Variants in UHMK1 observed in about 807,000 individuals in gnomAD.
The protein encoded by UHMK1 is U2AF homology motif kinase 1.
In UHMK1, 18 loss-of-function variants were observed where a neutral mutation model predicts 44.0. That is an observed-to-expected ratio of 0.41 (90% CI 0.28 to 0.61). UHMK1 has a LOEUF of 0.61. Among genes scored for constraint, UHMK1 ranks in the 20% least tolerant of loss-of-function variants. The pLI, the probability that UHMK1 is intolerant of heterozygous loss-of-function variation, is 0.31. For missense variants in UHMK1, 463 were observed against 522.5 expected (o/e 0.89, Z 1.11); for synonymous variants, 231 against 198.5 (o/e 1.16, Z -1.38).
At position 162,507,594 on chromosome 1, in the gene UHMK1, T is replaced by C. The variant is rs189057403; in HGVS notation, c.848+3746T>C. On this transcript the variant is annotated intron_variant, in intron 4 of 7. Coordinates refer to ENST00000489294, the MANE Select transcript of UHMK1 (RefSeq NM_175866.5). Reference sequence around the variant, plus strand: ...AACCCATTCTTTCTTTTTTTTTTTCTTTTTTTTTGTGATACGGAGTCTCAC... The same window carrying C: ...AACCCATTCTTTCTTTTTTTTTTTCCTTTTTTTTGTGATACGGAGTCTCAC... Among the ~76,000 whole-genome samples the C allele has an allele frequency of 5.0e-3, 738 of 147,222 alleles. 13 individuals carry two copies. Among genetic ancestry groups the C allele is most frequent in the South Asian group, 0.017 (80 of 4,618 alleles).
In UHMK1 at chr1:162,518,179, G is replaced by A; in HGVS notation, c.1102G>A (p.Gly368Ser). 1 of 1,610,706 alleles carries A rather than the reference G, an allele frequency of 6.2e-7. No homozygotes were observed. Among genetic ancestry groups the A allele is most frequent in the Non-Finnish European group, 8.5e-7 (1 of 1,177,096 alleles). ...TCTACTTGTTCCAAAGGAAAATCCT[G>A]GCAGAGGACAAGTAAGTGAATATTT... ...VSLLVPKENP[G>S]RGQVFVEYAN... The change falls in exon 7 of 8, where the codon GGC becomes AGC. Residue 368 changes from glycine to serine, a missense_variant. Gly to Ser is a moderately conservative substitution (Grantham distance 56). Around this residue, in one of 3 missense-constraint regions of UHMK1, gnomAD observed 264 missense variants for 326.3 expected, o/e 0.81. Coordinates refer to ENST00000489294, the MANE Select transcript of UHMK1 (RefSeq NM_175866.5).
chr1:162,500,062 A>T lies in UHMK1; in HGVS notation c.376A>T (p.Ser126Cys). 6.2e-7 allele frequency: 1 copy of T among 1,614,224 alleles called. No individual in the cohort carries two copies. The highest frequency in any genetic ancestry group is 8.5e-7 in the Non-Finnish European group (1 of 1,180,044). Residue 126 changes from serine (S) to cysteine (C), a missense_variant, in exon 2 of 8, where the codon AGT becomes TGT. Around this residue, in one of 3 missense-constraint regions of UHMK1, gnomAD observed 191 missense variants for 176.0 expected, o/e 1.09. Transcript: ENST00000489294. The stretch of plus-strand genomic sequence containing the variant: ...TGTTTCGGAATTGCTCTTATATTCC[A>T]GTCACCAGGGTTGTTCCATGTGGAT... ...VSVSELLLYSSHQGCSMWMIQ... is the reference protein window; with the variant it reads ...VSVSELLLYSCHQGCSMWMIQ...
Position 162,499,964 on chromosome 1 carries a change from A to G in UHMK1, c.278A>G (p.Tyr93Cys). 6.2e-7 allele frequency: 1 copy of G among 1,614,068 alleles called. No individual in the cohort carries two copies. The highest frequency in any genetic ancestry group is 1.7e-5 in the Admixed American group (1 of 60,014). Residue 93 changes from tyrosine to cysteine, a missense_variant, in exon 2 of 8, where the codon TAT becomes TGT. Physicochemically the swap from Tyr to Cys is radical, Grantham distance 194. Transcript: ENST00000489294. ...TAATTTCTTTTTCTAGTGACTTTGT[A>G]TGGAGTGTTTACAATCCACTTTTCT... Reference protein sequence around the residue: ...LQGHRNIVTLYGVFTIHFSPN... With the variant: ...LQGHRNIVTLCGVFTIHFSPN...
At chr1:162,505,592 C>G (rs1167982145) in intron 4 of UHMK1, among the ~76,000 whole-genome samples, 1 of 152,066 alleles carries the variant, frequency 6.6e-6, no homozygotes, top group Non-Finnish European at 1.5e-5. Flanking sequence ...TGTCGCTAGG[C>G]GATAGGAATT....
chr1:162,504,839 A>G (rs1571006764), intron 4 of UHMK1, among the ~76,000 whole-genome samples: 1 of 152,164 alleles, frequency 6.6e-6, no homozygotes, highest in African/African-American at 2.4e-5. Flanking sequence ...CAGTGGCACA[A>G]TCTTGGCTCA....
chr1:162,510,864 T>A (rs993206700), intron 4 of UHMK1, among the ~76,000 whole-genome samples: 1 of 152,056 alleles, frequency 6.6e-6, no homozygotes, highest in Admixed American at 6.6e-5. Flanking sequence ...TTTTAAAAAT[T>A]TTTTTTAAGG....
Position 162,498,796 on chromosome 1 carries a change from C to A in UHMK1, c.268+528C>A, listed in dbSNP as rs57561731. On this transcript the variant is annotated intron_variant, in intron 1 of 7. Coordinates refer to ENST00000489294, the MANE Select transcript of UHMK1 (RefSeq NM_175866.5). The stretch of plus-strand genomic sequence containing the variant: ...TACCTTTGCTCTCTTGAGACTGTTT[C>A]AAGAATCAGATACTCAGAATGTAAG... Among the ~76,000 whole-genome samples the A allele has an allele frequency of 1.4e-3, 213 of 152,292 alleles. 5 individuals carry two copies. The East Asian group carries it at 0.035, about 25-fold the overall frequency.
chr1:162,498,561 A>G (rs1651151439), intron 1 of UHMK1, among the ~76,000 whole-genome samples: 1 of 152,216 alleles, frequency 6.6e-6, no homozygotes, highest in African/African-American at 2.4e-5. Context: ...TTCTAGTGAG[A>G]GGAGGCATGT....
intron 1 of UHMK1, among the ~76,000 whole-genome samples, chr1:162,499,305 C>T (rs1234565335): frequency 6.6e-6 from 1 of 152,044 alleles, no homozygotes; most frequent in Admixed American, 6.6e-5. Flanking sequence ...TCCCAGGTAG[C>T]TGGGACTACA....
At chr1:162,506,798 A>G (rs1651485867) in intron 4 of UHMK1, among the ~76,000 whole-genome samples, 1 of 151,960 alleles carries the variant, frequency 6.6e-6, no homozygotes, top group Admixed American at 6.6e-5. Context: ...TGGGAGGTGG[A>G]GGTTGCAGTG....
At chr1:162,509,620 T>C (rs528327806) in intron 4 of UHMK1, among the ~76,000 whole-genome samples, 168 of 152,332 alleles carry the variant, frequency 1.1e-3, no homozygotes, top group South Asian at 2.3e-3. Flanking sequence ...CAACTATTGA[T>C]AGTTTGGCAC....
chr1:162,509,326 C>T (rs1434521647), intron 4 of UHMK1, among the ~76,000 whole-genome samples: 1 of 152,174 alleles, frequency 6.6e-6, no homozygotes, highest in Non-Finnish European at 1.5e-5. Flanking sequence ...TTTCTTCTCA[C>T]TGTGGGACTT....
chr1:162,507,726 A>G (rs907005554), intron 4 of UHMK1, among the ~76,000 whole-genome samples: 2 of 151,472 alleles, frequency 1.3e-5, no homozygotes, highest in Non-Finnish European at 2.9e-5. Context: ...AGCTGGGACT[A>G]CAGGCACCCG....
At chr1:162,513,130 G>A (rs996789474) in intron 6 of UHMK1, 5 of 319,468 alleles carry the variant, frequency 1.6e-5, no homozygotes, top group East Asian at 1.6e-4. Context: ...TAGTAGGGAC[G>A]GGGTTTCACC....
At chr1:162,503,944 A>G (rs1202052973) in intron 4 of UHMK1, 96 bp downstream of exon 4, 2 of 919,684 alleles carry the variant, frequency 2.2e-6, no homozygotes, top group East Asian at 2.7e-5. Context: ...TATTATTTCT[A>G]TGTAAGGAAC....
In UHMK1 at chr1:162,518,256, A is replaced by C. The variant is rs1651908696; in HGVS notation, c.1113+66A>C. On this transcript the variant is annotated intron_variant, in intron 7 of 7. Transcript: ENST00000489294. ...ATTAAAATTCTGTGTTAAATGTTTT[A>C]GTTCTGTAGGAAGATGTACAACAAA... The C allele has an allele frequency of 3.2e-6, 4 of 1,231,544 alleles. No homozygotes were observed. The Admixed American group carries it at 5.5e-5, about 17-fold the overall frequency. 76.3% of individuals were successfully genotyped at this position (1,231,544 alleles called of 1,614,324 possible).
chr1:162,504,413 G>A (rs764425239), intron 4 of UHMK1, among the ~76,000 whole-genome samples: 12 of 152,240 alleles, frequency 7.9e-5, no homozygotes, highest in Non-Finnish European at 1.3e-4. Flanking sequence ...ACATCATATA[G>A]TACTTACATA....
intron 6 of UHMK1, among the ~76,000 whole-genome samples, chr1:162,517,814 G>A (rs1236409727): frequency 6.6e-6 from 1 of 152,068 alleles, no homozygotes; most frequent in Non-Finnish European, 1.5e-5. Context: ...GAACCCGAGA[G>A]GCGGAGGTTG....
chr1:162,506,479 C>A (rs2101674235), intron 4 of UHMK1, among the ~76,000 whole-genome samples: 1 of 152,114 alleles, frequency 6.6e-6, no homozygotes, highest in South Asian at 2.1e-4. Context: ...AACATTGTAC[C>A]CATCTTGTAA....
Sources: gnomAD v4.1 joint callset for allele counts (sites outside exome capture counted in the v4.1 genomes callset) on GRCh38, gnomAD v4.1.1 for gene constraint, gnomAD v4.1.1 regional missense constraint, MANE v1.5 for transcripts, NCBI Gene and HGNC (gene_info 2026-07-23, HGNC 2026-07-21) for gene names.